EYA1: variants seen among roughly 807,000 people sequenced by gnomAD.
EYA1 encodes the protein EYA transcriptional coactivator and phosphatase 1.
Under a neutral mutation model 82.0 loss-of-function variants are expected in EYA1, and 16 were observed. The ratio of observed to expected loss-of-function variants is 0.20; its 90% confidence interval spans 0.13 to 0.30. The LOEUF (loss-of-function observed/expected upper bound fraction) is 0.30. Among genes scored for constraint, EYA1 ranks in the 10% least tolerant of loss-of-function variants. The pLI is 1.00. For missense variants in EYA1, 633 were observed against 730.7 expected, an observed-to-expected ratio of 0.87 and a Z score of 1.54; for synonymous variants, 261 against 264.4, an observed-to-expected ratio of 0.99 and a Z score of 0.12.
At chr8:71,286,933 C>G (rs538695355) in intron 9 of EYA1, among the ~76,000 whole-genome samples, 2 of 151,326 alleles carry the variant, frequency 1.3e-5, no homozygotes, top group South Asian at 4.2e-4. Flanking sequence ...TCCCGAGTAG[C>G]TGGGATTACA....
chr8:71,316,102 G>A (rs1713285686), intron 7 of EYA1, among the ~76,000 whole-genome samples: 1 of 151,990 alleles, frequency 6.6e-6, no homozygotes, highest in Admixed American at 6.6e-5. Flanking sequence ...AAGAAAAAAC[G>A]TTTTATGTTT....
intron 11 of EYA1, among the ~76,000 whole-genome samples, chr8:71,254,225 C>T (rs949549249): frequency 7.5e-6 from 1 of 134,134 alleles, no homozygotes; most frequent in Non-Finnish European, 1.6e-5. Flanking sequence ...GGATATACCC[C>T]ATCTATAAAG....
At chr8:71,217,973 T>C (rs955992231) in intron 12 of EYA1, among the ~76,000 whole-genome samples, 2 of 152,172 alleles carry the variant, frequency 1.3e-5, no homozygotes, top group African/African-American at 4.8e-5. Context: ...ATTTGTTGAA[T>C]GAATGAAGGC....
chr8:71,233,029 T>A lies in EYA1; in HGVS notation c.1140+11574A>T, dbSNP rs62507630. Reference sequence around the variant, plus strand: ...GAGGCATAAAGGGGGCCCTCACGAATGAATGAATTCACCAGTTCCACCTCT... The same window carrying A: ...GAGGCATAAAGGGGGCCCTCACGAAAGAATGAATTCACCAGTTCCACCTCT... On this transcript the variant is annotated intron_variant, in intron 12 of 17. Transcript: ENST00000340726. Among the ~76,000 whole-genome samples, 1,245 of 152,322 alleles carry A rather than the reference T, an allele frequency of 8.2e-3. 8 individuals carry two copies. Among genetic ancestry groups the A allele is most frequent in the Non-Finnish European group, 0.014 (930 of 68,030 alleles).
intron 2 of EYA1, among the ~76,000 whole-genome samples, chr8:71,391,556 C>T (rs1428776777): frequency 1.3e-5 from 2 of 152,050 alleles, no homozygotes; most frequent in Admixed American, 1.3e-4. Context: ...TTGTAAAACT[C>T]TGGGTCCTAT....
chr8:71,207,319 A>G (rs1807919837), intron 17 of EYA1, among the ~76,000 whole-genome samples: 1 of 152,236 alleles, frequency 6.6e-6, no homozygotes, highest in African/African-American at 2.4e-5. Flanking sequence ...GACTATTTAT[A>G]TACTAGTTAA....
upstream of EYA1, among the ~76,000 whole-genome samples, chr8:71,365,145 G>A (rs1827682283): frequency 6.6e-6 from 1 of 151,314 alleles, no homozygotes; most frequent in Admixed American, 6.6e-5. Flanking sequence ...AAAACTTCAT[G>A]AGTTAACAGT....
At chr8:71,321,454 C>T (rs750736194) in intron 6 of EYA1, among the ~76,000 whole-genome samples, 3 of 152,154 alleles carry the variant, frequency 2.0e-5, no homozygotes, top group Non-Finnish European at 4.4e-5. Context: ...TTCCAGAGCC[C>T]AGTGCTCAAA....
At chr8:71,310,027 C>G (rs1253389787) in intron 7 of EYA1, among the ~76,000 whole-genome samples, 1 of 152,142 alleles carries the variant, frequency 6.6e-6, no homozygotes, top group Non-Finnish European at 1.5e-5. Context: ...ATCTGTGCAG[C>G]CCCTTCGATC....
chr8:71,271,921 T>C, intron 9 of EYA1, 24 bp from the exon 10 acceptor site: 1 of 1,614,036 alleles, frequency 6.2e-7, no homozygotes, highest in South Asian at 1.1e-5. Flanking sequence ...GGAAGGACTT[T>C]CATCTTTTAT....
At chr8:71,354,686 T>A in intron 3 of EYA1, 96 bp downstream of exon 3, 1 of 1,248,576 alleles carries the variant, frequency 8.0e-7, no homozygotes. Context: ...AGTAGTTTTA[T>A]GATTTTGACA....
chr8:71,277,297 C>T (rs149073382), intron 9 of EYA1, among the ~76,000 whole-genome samples: 6 of 151,890 alleles, frequency 4.0e-5, no homozygotes, highest in Non-Finnish European at 7.4e-5. Flanking sequence ...AGGCACATGA[C>T]GTGACACCAG....
intron 9 of EYA1, among the ~76,000 whole-genome samples, chr8:71,276,926 T>C (rs992628021): frequency 6.6e-6 from 1 of 152,086 alleles, no homozygotes; most frequent in Non-Finnish European, 1.5e-5. Flanking sequence ...CTAACATACA[T>C]GTAAAGGTAC....
At chr8:71,526,710 G>T (rs1813844124) in intron 2 of EYA1, among the ~76,000 whole-genome samples, 1 of 152,210 alleles carries the variant, frequency 6.6e-6, no homozygotes, top group African/African-American at 2.4e-5. Flanking sequence ...CCAACAGAGA[G>T]CAGGGAGAAA....
intron 2 of EYA1, among the ~76,000 whole-genome samples, chr8:71,445,592 G>C (rs987715646): frequency 4.6e-5 from 7 of 152,016 alleles, no homozygotes; most frequent in Non-Finnish European, 7.4e-5. Context: ...ATTTCATATT[G>C]GGACTTTGAT....
intron 11 of EYA1, among the ~76,000 whole-genome samples, chr8:71,254,634 G>C (rs1261145236): frequency 6.6e-6 from 1 of 152,136 alleles, no homozygotes; most frequent in Non-Finnish European, 1.5e-5. Context: ...AATGGTAAAT[G>C]TCTGAAAGTT....
intron 12 of EYA1, among the ~76,000 whole-genome samples, chr8:71,223,851 T>G (rs1810246227): frequency 6.6e-6 from 1 of 152,194 alleles, no homozygotes. Flanking sequence ...ATGGCAGAAT[T>G]TTTCTGCAAA....
At position 71,347,256 on chromosome 8, in the gene EYA1, A is replaced by C. The variant is rs144713524; in HGVS notation, c.124+7526T>G. On this transcript the variant is annotated intron_variant, in intron 3 of 17. Coordinates refer to ENST00000340726, the MANE Select transcript of EYA1 (RefSeq NM_000503.6). ...CAACACAGTAACACATTGTATTCAC[A>C]GACTGGTCACTTAAACCCTCTAAAA... Among the ~76,000 whole-genome samples the C allele has an allele frequency of 2.9e-4, 44 of 152,350 alleles. 1 individual carries two copies. The East Asian group carries it at 8.3e-3, about 29-fold the overall frequency.
At chr8:71,514,210 T>C (rs968201696) in intron 2 of EYA1, among the ~76,000 whole-genome samples, 2 of 152,140 alleles carry the variant, frequency 1.3e-5, no homozygotes, top group African/African-American at 4.8e-5. Context: ...ACTTACTTTG[T>C]AGATTTGTAT....
Sources: gnomAD v4.1 joint callset for allele counts (sites outside exome capture counted in the v4.1 genomes callset) on GRCh38, gnomAD v4.1.1 for gene constraint, MANE v1.5 for transcripts, NCBI Gene and HGNC (gene_info 2026-07-23, HGNC 2026-07-21) for gene names.